Variants in ITGA9 observed in about 807,000 individuals in gnomAD.
The protein encoded by ITGA9 is integrin alpha-9.
A neutral mutation model predicts 127.8 loss-of-function variants in ITGA9; 56 were observed. The observed-to-expected ratio is 0.44, with a 90% confidence interval of 0.35 to 0.55. The LOEUF (loss-of-function observed/expected upper bound fraction) is 0.55. Among genes scored for constraint, ITGA9 ranks in the 20% least tolerant of loss-of-function variants. The pLI is 0.00. For synonymous variants in ITGA9, 508 were observed against 514.5 expected, an observed-to-expected ratio of 0.99 and a Z score of 0.17; for missense variants, 1,196 against 1,347.1, an observed-to-expected ratio of 0.89 and a Z score of 1.76.
At chr3:37,705,145 C>T (rs1700990372) in intron 18 of ITGA9, among the ~76,000 whole-genome samples, 1 of 152,222 alleles carries the variant, frequency 6.6e-6, no homozygotes, top group Non-Finnish European at 1.5e-5. Context: ...TTCACTCTTT[C>T]ATTCAGCAAA....
chr3:37,657,107 G>A (rs190053249), intron 17 of ITGA9, among the ~76,000 whole-genome samples: 2 of 152,188 alleles, frequency 1.3e-5, no homozygotes, highest in Admixed American at 1.3e-4. Flanking sequence ...ATTTTATTGA[G>A]GATTTTAGCA....
At chr3:37,619,605 A>G (rs1226905120) in intron 15 of ITGA9, among the ~76,000 whole-genome samples, 1 of 152,224 alleles carries the variant, frequency 6.6e-6, no homozygotes, top group Non-Finnish European at 1.5e-5. Flanking sequence ...TTTCTAGGCC[A>G]CTTCAAAAAT....
intron 15 of ITGA9, among the ~76,000 whole-genome samples, chr3:37,595,037 C>T (rs1699855954): frequency 6.6e-6 from 1 of 152,146 alleles, no homozygotes; most frequent in African/African-American, 2.4e-5. Flanking sequence ...AGTCATCTCC[C>T]TCAAGAATTT....
At chr3:37,586,558 A>G (rs1413447995) in intron 15 of ITGA9, among the ~76,000 whole-genome samples, 1 of 152,250 alleles carries the variant, frequency 6.6e-6, no homozygotes, top group African/African-American at 2.4e-5. Flanking sequence ...GCAGAAAGCC[A>G]TGCCTAGAAA....
At chr3:37,741,860 C>A in intron 21 of ITGA9, 41 bp downstream of exon 21, 1 of 1,459,748 alleles carries the variant, frequency 6.9e-7, no homozygotes, top group Non-Finnish European at 9.6e-7. Context: ...ACAGGAGTGC[C>A]CTCCAGTGGA....
Position 37,803,927 on chromosome 3 carries a change from C to T in ITGA9, c.2994C>T (p.Ala998=), listed in dbSNP as rs17037007. The change falls in exon 27 of 28, where the codon GCC becomes GCT. Residue 998 remains alanine, a synonymous_variant. Coordinates refer to ENST00000264741, the MANE Select transcript of ITGA9 (RefSeq NM_002207.3). ...GAATCCTCATCTTCCTGCTGCTGGC[C>T]GTGCTGCTCTGGAAGGTGAGTCTGG... ...LVGILIFLLL[A]VLLWKMGFFR... is the part of the protein sequence containing the mutation. 3.4e-3 allele frequency: 5,463 copies of T among 1,614,146 alleles called. 163 individuals carry two copies. The African/African-American group carries it at 0.061, about 18-fold the overall frequency.
intron 15 of ITGA9, among the ~76,000 whole-genome samples, chr3:37,607,085 G>A (rs1263088297): frequency 6.6e-6 from 1 of 151,208 alleles, no homozygotes; most frequent in Non-Finnish European, 1.5e-5. Flanking sequence ...AGGTCTCAAG[G>A]GATCCTCCTG....
intron 15 of ITGA9, among the ~76,000 whole-genome samples, chr3:37,602,111 A>G (rs1354818323): frequency 1.3e-5 from 2 of 152,236 alleles, no homozygotes; most frequent in African/African-American, 2.4e-5. Flanking sequence ...ACCTCCCATC[A>G]GACCCACCTC....
At chr3:37,508,478 T>C (rs1206825999) in intron 7 of ITGA9, 81 bp from the exon 8 acceptor site, 4 of 1,151,652 alleles carry the variant, frequency 3.5e-6, no homozygotes, top group Non-Finnish European at 3.8e-6. Flanking sequence ...AGCTTTTAAA[T>C]AGGACTCCCA....
intron 10 of ITGA9, among the ~76,000 whole-genome samples, chr3:37,518,492 T>C (rs1184233114): frequency 6.6e-6 from 1 of 152,212 alleles, no homozygotes; most frequent in East Asian, 1.9e-4. Context: ...TAATGTTATT[T>C]CTTGTGTGTG....
rs561308835 is a variant in ITGA9, at chr3:37,768,899, TTTGA to T, written c.2542-8489_2542-8486del. Among the ~76,000 whole-genome samples, 94 of 152,258 alleles carry T rather than the reference TTTGA, an allele frequency of 6.2e-4. No individual in the cohort carries two copies. In the South Asian group the frequency reaches 0.019, roughly 31 times the overall value. On this transcript the variant is annotated intron_variant, in intron 23 of 27. Transcript: ENST00000264741. ...CTGCTAATTTAATCTTCCATTTTCCTTTGATTGGTGATGCACGCATTCAAGGGGC... is the reference window on the plus strand; with the variant it reads ...CTGCTAATTTAATCTTCCATTTTCCTTTGGTGATGCACGCATTCAAGGGGC...
intron 8 of ITGA9, among the ~76,000 whole-genome samples, chr3:37,509,262 G>A (rs1036092164): frequency 2.3e-4 from 35 of 152,112 alleles, no homozygotes; most frequent in Non-Finnish European, 1.5e-5. Context: ...CCATTATACT[G>A]CCCTGTTGTC....
chr3:37,640,101 C>T (rs1020833197), intron 16 of ITGA9, among the ~76,000 whole-genome samples: 1 of 152,154 alleles, frequency 6.6e-6, no homozygotes, highest in Non-Finnish European at 1.5e-5. Context: ...CAGAATGGCC[C>T]CCCAAAGATG....
Position 37,523,617 on chromosome 3 carries a change from C to T in ITGA9, c.1327+6C>T. On this transcript the variant is annotated splice_donor_region_variant and intron_variant, in intron 12 of 27. Coordinates refer to ENST00000264741, the MANE Select transcript of ITGA9 (RefSeq NM_002207.3). ...GGATGGAAATGGCTATCCTGGTAAG[C>T]TGTTTTTCTTTAAAGGCACATGAGA... is the stretch of plus-strand genomic sequence containing the variant. The T allele has an allele frequency of 6.2e-7, 1 of 1,601,378 alleles. No individual in the cohort carries two copies. Among genetic ancestry groups the T allele is most frequent in the Non-Finnish European group, 8.6e-7 (1 of 1,168,502 alleles).
At position 37,494,008 on chromosome 3, in the gene ITGA9, CCTT is replaced by C. The variant is rs1173468307; in HGVS notation, c.545-486_545-484del. ...AGTGTAACCGAATGCCAGAGCAGTC[CCTT>C]CTTCTTGCGGTCCTCTGTGGACGGC... On this transcript the variant is annotated intron_variant, in intron 4 of 27. Transcript: ENST00000264741. 4.6e-5 allele frequency among the ~76,000 whole-genome samples: 7 copies of C among 152,076 alleles called. 1 individual carries two copies. In the South Asian group the frequency reaches 8.3e-4, roughly 18 times the overall value.
At chr3:37,604,839 C>G (rs1310626902) in intron 15 of ITGA9, among the ~76,000 whole-genome samples, 1 of 152,118 alleles carries the variant, frequency 6.6e-6, no homozygotes, top group Non-Finnish European at 1.5e-5. Context: ...GAGAGGCTTC[C>G]TCTCCCCTTC....
intron 15 of ITGA9, among the ~76,000 whole-genome samples, chr3:37,613,331 T>A (rs1393009131): frequency 3.3e-5 from 5 of 152,224 alleles, no homozygotes. Context: ...CCATGGTGTA[T>A]ATGTGTCACA....
chr3:37,740,973 C>T (rs1696426056), intron 20 of ITGA9, among the ~76,000 whole-genome samples: 1 of 152,170 alleles, frequency 6.6e-6, no homozygotes, highest in South Asian at 2.1e-4. Flanking sequence ...GGGCCTCTTT[C>T]CTGGGCTTGG....
At chr3:37,809,026 G>A (rs552729548) in intron 27 of ITGA9, 1 of 152,128 alleles carries the variant, frequency 6.6e-6, no homozygotes, top group South Asian at 2.1e-4. Context: ...GAGTGGCAAA[G>A]CCTTAGTGGC....
Sources: allele counts gnomAD v4.1 joint callset (sites outside exome capture counted in the v4.1 genomes callset), GRCh38; gene constraint gnomAD v4.1.1; transcripts MANE v1.5; gene names NCBI Gene and HGNC (gene_info 2026-07-23, HGNC 2026-07-21).